Variants in MLIP observed in about 807,000 individuals in gnomAD.
MLIP encodes muscular LMNA-interacting protein.
In MLIP, 79 loss-of-function variants were observed where a neutral mutation model predicts 84.8. That is an observed-to-expected ratio of 0.93 (90% confidence interval 0.78 to 1.12). MLIP has a LOEUF of 1.12. MLIP is among the 50% of genes most tolerant of loss of function. The probability of loss-of-function intolerance (pLI) is 0.00; values close to 1 mark genes in which losing one functional copy is unlikely to be tolerated. For missense variants in MLIP, 1,257 were observed against 1,160.6 expected, an observed-to-expected ratio of 1.08 and a Z score of -1.21; for synonymous variants, 504 against 463.0, an observed-to-expected ratio of 1.09 and a Z score of -1.14.
At position 54,136,929 on chromosome 6, in the gene MLIP, T is replaced by C; in HGVS notation, c.860T>C (p.Phe287Ser). The C allele has an allele frequency of 6.5e-7, 1 of 1,536,032 alleles. No individual in the cohort carries two copies. The change falls in exon 4 of 14, where the codon TTT becomes TCT. Residue 287 changes from phenylalanine to serine, a missense_variant. Phe to Ser is a radical substitution (Grantham distance 155, BLOSUM62 -2). Coordinates refer to ENST00000502396, the MANE Select transcript of MLIP (RefSeq NM_001281747.2). ...CAAACTACCGCTCACTCTACACCCT[T>C]TTCTGCATCGAAGGGCACCTCCTCG... ...YFQTTAHSTPFSASKGTSSTL... is the reference protein window; with the variant it reads ...YFQTTAHSTPSSASKGTSSTL...
At chr6:54,229,895 A>AT (rs2150800241) in intron 11 of MLIP, among the ~76,000 whole-genome samples, 1 of 152,280 alleles carries the variant, frequency 6.6e-6, no homozygotes, top group East Asian at 1.9e-4. Flanking sequence ...TAGAAGACAT[A>AT]TACCTGTATG....
chr6:54,202,323 TATAAA>T (rs1337914002), intron 11 of MLIP, 90 bp downstream of exon 11: 1 of 717,604 alleles, frequency 1.4e-6, no homozygotes, highest in Non-Finnish European at 1.9e-6. Flanking sequence ...TTTTGATAAA[TATAAA>T]ATAAAGATGT....
chr6:54,095,545 C>T (rs1001316295), intron 1 of MLIP, among the ~76,000 whole-genome samples: 2 of 152,050 alleles, frequency 1.3e-5, no homozygotes, highest in Non-Finnish European at 2.9e-5. Flanking sequence ...CTTTCTGACT[C>T]CTGCTGTAAC....
At chr6:54,086,849 T>G (rs1767528638) in intron 1 of MLIP, among the ~76,000 whole-genome samples, 1 of 152,150 alleles carries the variant, frequency 6.6e-6, no homozygotes, top group Non-Finnish European at 1.5e-5. Flanking sequence ...TTCTTAAAAG[T>G]CACCTCCAAG....
At chr6:54,262,176 T>C (rs1466917571) in intron 13 of MLIP, among the ~76,000 whole-genome samples, 1 of 151,926 alleles carries the variant, frequency 6.6e-6, no homozygotes, top group Non-Finnish European at 1.5e-5. Context: ...GTTGGGGAAA[T>C]GTAATTTAAA....
At chr6:54,111,291 C>A, upstream of MLIP, 1 of 1,002,758 alleles carries the variant, frequency 1.0e-6, no homozygotes, top group Non-Finnish European at 1.4e-6. Flanking sequence ...CATAATGTTC[C>A]AAATCTAAAA....
At chr6:54,077,281 T>A (rs1766863414) in intron 1 of MLIP, among the ~76,000 whole-genome samples, 1 of 152,084 alleles carries the variant, frequency 6.6e-6, no homozygotes, top group Non-Finnish European at 1.5e-5. Flanking sequence ...AGTCAATATT[T>A]TAGGTTTTCT....
intron 11 of MLIP, among the ~76,000 whole-genome samples, chr6:54,220,298 A>G (rs1780134763): frequency 6.6e-6 from 1 of 152,186 alleles, no homozygotes; most frequent in Non-Finnish European, 1.5e-5. Context: ...CCGGCATCCA[A>G]GGTCATGAAG....
At chr6:54,085,922 T>G (rs1343604902) in intron 1 of MLIP, among the ~76,000 whole-genome samples, 1 of 152,202 alleles carries the variant, frequency 6.6e-6, no homozygotes, top group Non-Finnish European at 1.5e-5. Context: ...CTACATCTGC[T>G]GCTCTCACTT....
intron 1 of MLIP, among the ~76,000 whole-genome samples, chr6:54,075,528 C>T (rs1299870172): frequency 2.0e-5 from 3 of 152,094 alleles, no homozygotes; most frequent in East Asian, 1.9e-4. Flanking sequence ...TCCTTACCAA[C>T]GTTGCCTAGC....
intron 11 of MLIP, among the ~76,000 whole-genome samples, chr6:54,208,045 G>A (rs1779161385): frequency 6.7e-6 from 1 of 149,920 alleles, no homozygotes; most frequent in South Asian, 2.1e-4. Flanking sequence ...GGAGAATGGC[G>A]TGAACCCAGT....
chr6:54,090,431 G>T (rs1767789912), intron 1 of MLIP, among the ~76,000 whole-genome samples: 1 of 152,098 alleles, frequency 6.6e-6, no homozygotes, highest in Non-Finnish European at 1.5e-5. Flanking sequence ...TAACTAGTTA[G>T]CAAGTTTGAT....
At chr6:54,255,582 T>G (rs530629117) in intron 12 of MLIP, among the ~76,000 whole-genome samples, 1 of 152,300 alleles carries the variant, frequency 6.6e-6, no homozygotes, top group South Asian at 2.1e-4. Context: ...TACCAATTCA[T>G]TAGGATCAGT....
chr6:54,026,206 T>A (rs1437755363), intron 1 of MLIP, among the ~76,000 whole-genome samples: 1 of 152,200 alleles, frequency 6.6e-6, no homozygotes, highest in African/African-American at 2.4e-5. Context: ...AAGAGGATTA[T>A]ATGGTTGATC....
At chr6:54,109,924 T>TCTTTCTTTCTTTCTTC (rs1554150491), upstream of MLIP, among the ~76,000 whole-genome samples, 1 of 65,860 alleles carries the variant, frequency 1.5e-5, no homozygotes, top group African/African-American at 5.0e-5. Context: ...TTTCTTTCTT[T>TCTTTCTTTCTTTCTTC]CTTCCTTCCT....
chr6:54,125,328 A>T (rs1770833446), intron 3 of MLIP, among the ~76,000 whole-genome samples: 1 of 152,232 alleles, frequency 6.6e-6, no homozygotes, highest in African/African-American at 2.4e-5. Context: ...TAAAAGGATA[A>T]ACTAGGAAAT....
chr6:54,085,128 G>A (rs1453376925), intron 1 of MLIP, among the ~76,000 whole-genome samples: 1 of 152,144 alleles, frequency 6.6e-6, no homozygotes, highest in East Asian at 1.9e-4. Flanking sequence ...TCCTTAAATG[G>A]ATAACTGAGG....
intron 1 of MLIP, among the ~76,000 whole-genome samples, chr6:54,034,618 T>C: frequency 6.6e-6 from 1 of 152,168 alleles, no homozygotes; most frequent in East Asian, 1.9e-4. Flanking sequence ...ACTTTTTGTA[T>C]AGCTGTACAA....
intron 1 of MLIP, chr6:54,031,833 C>T (rs1444629352): frequency 1.3e-5 from 2 of 152,138 alleles, no homozygotes; most frequent in African/African-American, 2.4e-5. Flanking sequence ...AAAAATTTTC[C>T]ATGAAATCTT....
Sources: allele counts gnomAD v4.1 joint callset (sites outside exome capture counted in the v4.1 genomes callset), GRCh38; gene constraint gnomAD v4.1.1; transcripts MANE v1.5; gene names NCBI Gene and HGNC (gene_info 2026-07-23, HGNC 2026-07-21).